Variants in TMEM132C observed in about 807,000 individuals in gnomAD.
TMEM132C encodes transmembrane protein 132C, also known as protein phosphatase 1, regulatory subunit 152.
Under a neutral mutation model 61.4 loss-of-function variants are expected in TMEM132C, and 29 were observed. The observed-to-expected ratio is 0.47, with a 90% confidence interval of 0.35 to 0.64. The LOEUF is 0.64. Among genes scored for constraint, TMEM132C ranks in the 30% least tolerant of loss-of-function variants. TMEM132C has a pLI of 0.00. For missense variants in TMEM132C, 1,408 were observed against 1,476.9 expected, an observed-to-expected ratio of 0.95 and a Z score of 0.76; for synonymous variants, 656 against 633.1, an observed-to-expected ratio of 1.04 and a Z score of -0.54.
intron 3 of TMEM132C, among the ~76,000 whole-genome samples, chr12:128,572,758 C>T (rs1363788974): frequency 6.7e-6 from 1 of 149,596 alleles, no homozygotes; most frequent in Non-Finnish European, 1.5e-5. Flanking sequence ...GGGTCACATG[C>T]CCACTGTGGC....
chr12:128,676,082 A>C (rs1954583829), intron 5 of TMEM132C, among the ~76,000 whole-genome samples: 2 of 152,140 alleles, frequency 1.3e-5, no homozygotes, highest in South Asian at 2.1e-4. Flanking sequence ...CAATTTTGTC[A>C]GTTGGCCAAC....
intron 5 of TMEM132C, among the ~76,000 whole-genome samples, chr12:128,693,044 C>T (rs543673674): frequency 6.6e-6 from 1 of 152,242 alleles, no homozygotes; most frequent in Admixed American, 6.5e-5. Context: ...TAGAAGACCA[C>T]AGAAGGGGTC....
intron 3 of TMEM132C, among the ~76,000 whole-genome samples, chr12:128,567,600 T>C (rs924598733): frequency 6.6e-6 from 1 of 151,542 alleles, no homozygotes; most frequent in Non-Finnish European, 1.5e-5. Context: ...TATATCTCTA[T>C]AAAGCTGAGG....
Position 128,424,046 on chromosome 12 carries a change from C to CAAA in TMEM132C, c.974+8448_974+8450dup, listed in dbSNP as rs144980387. On this transcript the variant is annotated intron_variant, in intron 2 of 8. Coordinates refer to ENST00000435159, the MANE Select transcript of TMEM132C (RefSeq NM_001136103.3). The stretch of plus-strand genomic sequence containing the variant: ...TGGGCAACAGAGCGAGACTCTGTCT[C>CAAA]AAAAAAAAAAAAAAAAAAAAAAAAC... 1.6e-3 allele frequency among the ~76,000 whole-genome samples: 114 copies of CAAA among 72,308 alleles called. 1 individual carries two copies. Among genetic ancestry groups the CAAA allele is most frequent in the Middle Eastern group, 8.9e-3 (1 of 112 alleles). 47.4% of individuals were successfully genotyped at this position (72,308 alleles called of 152,430 possible).
At chr12:128,444,532 T>C (rs1348990185) in intron 2 of TMEM132C, among the ~76,000 whole-genome samples, 1 of 152,210 alleles carries the variant, frequency 6.6e-6, no homozygotes, top group Non-Finnish European at 1.5e-5. Context: ...TCAGATTCTC[T>C]TCTCATTGGC....
chr12:128,466,236 G>A (rs1193453360), intron 2 of TMEM132C, among the ~76,000 whole-genome samples: 4 of 152,142 alleles, frequency 2.6e-5, no homozygotes, highest in Non-Finnish European at 5.9e-5. Context: ...TCTGGGAGCT[G>A]CAGACCCAGG....
chr12:128,695,691 G>A (rs1490947260), intron 6 of TMEM132C, 139 bp from the exon 7 acceptor site: 9 of 850,818 alleles, frequency 1.1e-5, no homozygotes, highest in Non-Finnish European at 1.4e-5. Context: ...CCTAGAGATA[G>A]GCTTGGTGCC....
At chr12:128,337,419 G>T (rs1340960995) in intron 1 of TMEM132C, among the ~76,000 whole-genome samples, 1 of 152,174 alleles carries the variant, frequency 6.6e-6, no homozygotes. Flanking sequence ...TAAAGAAAAG[G>T]CTTTGGAAAT....
chr12:128,299,659 A>G (rs1030419207), intron 1 of TMEM132C, among the ~76,000 whole-genome samples: 2 of 152,184 alleles, frequency 1.3e-5, no homozygotes, highest in Non-Finnish European at 1.5e-5. Flanking sequence ...GTATAGAGAG[A>G]ACTTTGGTAG....
At chr12:128,656,864 C>G (rs1954330282) in intron 4 of TMEM132C, among the ~76,000 whole-genome samples, 1 of 152,198 alleles carries the variant, frequency 6.6e-6, no homozygotes, top group African/African-American at 2.4e-5. Context: ...GAGAGGCAGC[C>G]TCTTTTGCCA....
intron 1 of TMEM132C, among the ~76,000 whole-genome samples, chr12:128,371,809 C>T (rs1565915775): frequency 6.6e-6 from 1 of 152,274 alleles, no homozygotes; most frequent in East Asian, 1.9e-4. Context: ...AAACTCTTGG[C>T]CTCAGGTTAT....
chr12:128,634,221 G>A (rs564133246), intron 4 of TMEM132C, among the ~76,000 whole-genome samples: 1 of 152,182 alleles, frequency 6.6e-6, no homozygotes, highest in Non-Finnish European at 1.5e-5. Flanking sequence ...CTACAGGCAT[G>A]TGCCACGAAA....
intron 1 of TMEM132C, among the ~76,000 whole-genome samples, chr12:128,369,581 A>T (rs1873968661): frequency 6.6e-6 from 1 of 152,218 alleles, no homozygotes; most frequent in South Asian, 2.1e-4. Context: ...GGCATTTGGC[A>T]GAGAGTAAAG....
intron 1 of TMEM132C, among the ~76,000 whole-genome samples, chr12:128,279,711 A>T (rs1870821905): frequency 6.6e-6 from 1 of 151,948 alleles, no homozygotes; most frequent in Non-Finnish European, 1.5e-5. Context: ...TGCCAAGGGC[A>T]CCTCCTCATG....
At chr12:128,509,264 G>A (rs1872492633) in intron 2 of TMEM132C, among the ~76,000 whole-genome samples, 2 of 152,176 alleles carry the variant, frequency 1.3e-5, no homozygotes, top group Non-Finnish European at 2.9e-5. Context: ...CCCAAAGCGG[G>A]CTTTGAGTAC....
chr12:128,588,363 T>C (rs191222618), intron 3 of TMEM132C, among the ~76,000 whole-genome samples: 1 of 152,150 alleles, frequency 6.6e-6, no homozygotes, highest in Admixed American at 6.5e-5. Context: ...GCCAGGGAGG[T>C]TGAGGCTTCA....
intron 1 of TMEM132C, among the ~76,000 whole-genome samples, chr12:128,388,099 G>A (rs935056217): frequency 6.6e-5 from 10 of 152,242 alleles, no homozygotes; most frequent in African/African-American, 2.4e-4. Flanking sequence ...ACTTCCAAGA[G>A]CCCGAGCCCA....
intron 1 of TMEM132C, among the ~76,000 whole-genome samples, chr12:128,391,519 A>G (rs1426270556): frequency 6.6e-6 from 1 of 152,216 alleles, no homozygotes; most frequent in Non-Finnish European, 1.5e-5. Flanking sequence ...TCTGTGTGCT[A>G]GACACGGTGA....
intron 4 of TMEM132C, among the ~76,000 whole-genome samples, chr12:128,632,401 G>A (rs1298077155): frequency 2.0e-5 from 3 of 152,182 alleles, no homozygotes; most frequent in Admixed American, 6.5e-5. Context: ...CATGTTCATA[G>A]GAAATTGCTT....
Sources: gnomAD v4.1 joint callset for allele counts (sites outside exome capture counted in the v4.1 genomes callset) on GRCh38, gnomAD v4.1.1 for gene constraint, MANE v1.5 for transcripts, NCBI Gene and HGNC (gene_info 2026-07-23, HGNC 2026-07-21) for gene names.